Variants in CABIN1 observed in about 807,000 individuals in gnomAD.
The protein encoded by CABIN1 is calcineurin binding protein 1, also known as calcineurin-binding protein cabin-1.
Under a neutral mutation model 227.7 loss-of-function variants are expected in CABIN1, and 133 were observed. The observed-to-expected ratio is 0.58, with a 90% CI of 0.51 to 0.67. The LOEUF is 0.67. CABIN1 is among the 30% of genes least tolerant of loss of function. The pLI is 0.00. For synonymous variants in CABIN1, 1,086 were observed against 1,155.1 expected, an observed-to-expected ratio of 0.94 and a Z score of 1.21; for missense variants, 2,408 against 2,852.5, an observed-to-expected ratio of 0.84 and a Z score of 3.55.
At position 24,166,794 on chromosome 22, in the gene CABIN1, A is replaced by G; in HGVS notation, c.5163A>G (p.Pro1721=). Residue 1721 remains proline, a synonymous_variant, in exon 32 of 37, where the codon CCA becomes CCG. Coordinates refer to ENST00000263119, the MANE Select transcript of CABIN1 (RefSeq NM_012295.4). ...ATGGCTCAGGGCCAGGGCCCGAGCC[A>G]GGAGGCAAAGTGGGCCTCCTCAACC... ...LADGSGPGPE[P]GGKVGLLNHR... 7 of 1,613,024 alleles carry G rather than the reference A, an allele frequency of 4.3e-6. No individual in the cohort carries two copies. Among genetic ancestry groups the G allele is most frequent in the Non-Finnish European group, 5.9e-6 (7 of 1,179,992 alleles).
At chr22:24,066,896 T>A in intron 15 of CABIN1, 91 bp from the exon 16 acceptor site, 1 of 1,246,674 alleles carries the variant, frequency 8.0e-7, no homozygotes, top group Non-Finnish European at 1.2e-6. Flanking sequence ...ATTCTCCTCA[T>A]CCAAGTCTGA....
At chr22:24,121,279 G>T (rs944961633) in intron 28 of CABIN1, among the ~76,000 whole-genome samples, 1 of 152,040 alleles carries the variant, frequency 6.6e-6, no homozygotes, top group Non-Finnish European at 1.5e-5. Flanking sequence ...AATTCTGTTT[G>T]GGGGACTAGA....
chr22:24,075,692 C>T (rs2040392196), intron 18 of CABIN1, among the ~76,000 whole-genome samples: 1 of 151,690 alleles, frequency 6.6e-6, no homozygotes, highest in African/African-American at 2.4e-5. Flanking sequence ...CTGCAGTGAG[C>T]TATAATTGTG....
At chr22:24,128,264 T>C (rs925534062) in intron 28 of CABIN1, among the ~76,000 whole-genome samples, 4 of 142,752 alleles carry the variant, frequency 2.8e-5, no homozygotes, top group Non-Finnish European at 4.6e-5. Context: ...AACTCTTTGA[T>C]TGCATGACTT....
At position 24,063,430 on chromosome 22, in the gene CABIN1, C is replaced by G. The variant is rs115410900; in HGVS notation, c.1884+284C>G. On this transcript the variant is annotated intron_variant, in intron 14 of 36. Coordinates refer to ENST00000263119, the MANE Select transcript of CABIN1 (RefSeq NM_012295.4). ...GCATTTGCTCTGCCTCTACCTCCCC[C>G]ACTCAAGATTGCCTTGGCATCTTGA... is the stretch of plus-strand genomic sequence containing the variant. Among the ~76,000 whole-genome samples the G allele has an allele frequency of 9.9e-3, 1,501 of 152,324 alleles. 30 individuals are homozygous for G. Among genetic ancestry groups the G allele is most frequent in the African/African-American group, 0.033 (1,354 of 41,564 alleles).
intron 32 of CABIN1, 143 bp from the exon 33 acceptor site, chr22:24,168,301 TCAG>T: frequency 1.3e-6 from 1 of 740,892 alleles, no homozygotes; most frequent in African/African-American, 1.7e-5. Flanking sequence ...GGCTGGCTAT[TCAG>T]CAGAGTCTGG....
intron 1 of CABIN1, among the ~76,000 whole-genome samples, chr22:24,028,855 A>T (rs754038342): frequency 1.3e-5 from 2 of 152,132 alleles, no homozygotes; most frequent in Non-Finnish European, 2.9e-5. Context: ...GATAAATAGG[A>T]CAGGATTGCT....
At chr22:24,023,559 CCTTT>C (rs1416060132) in intron 1 of CABIN1, among the ~76,000 whole-genome samples, 2 of 152,070 alleles carry the variant, frequency 1.3e-5, no homozygotes, top group Admixed American at 1.3e-4. Flanking sequence ...TTTTCCATTT[CCTTT>C]CTGTTTTATT....
intron 24 of CABIN1, 55 bp downstream of exon 24, chr22:24,091,898 T>G (rs2041567436): frequency 1.2e-6 from 2 of 1,601,512 alleles, no homozygotes; most frequent in Non-Finnish European, 8.5e-7. Flanking sequence ...GCTGGTTTCT[T>G]TATCTCCCTG....
At chr22:24,054,393 C>G (rs1278007070) in intron 8 of CABIN1, among the ~76,000 whole-genome samples, 4 of 152,218 alleles carry the variant, frequency 2.6e-5, no homozygotes, top group Non-Finnish European at 5.9e-5. Flanking sequence ...CACTGAGGTG[C>G]TGCTCCCCAT....
At chr22:24,151,179 C>T (rs1347710969) in intron 29 of CABIN1, among the ~76,000 whole-genome samples, 2 of 152,134 alleles carry the variant, frequency 1.3e-5, no homozygotes, top group African/African-American at 4.8e-5. Context: ...TACCAGAGTG[C>T]CTGTTCCCGC....
At chr22:24,020,683 G>A (rs1311413206) in intron 1 of CABIN1, among the ~76,000 whole-genome samples, 1 of 152,178 alleles carries the variant, frequency 6.6e-6, no homozygotes, top group Non-Finnish European at 1.5e-5. Flanking sequence ...TTGTTTATCA[G>A]GAGATTCTCA....
Position 24,177,463 on chromosome 22 carries a change from T to G in CABIN1, c.6206-41T>G. On this transcript the variant is annotated intron_variant, in intron 35 of 36. Coordinates refer to ENST00000263119, the MANE Select transcript of CABIN1 (RefSeq NM_012295.4). This position sits in a 1 kb window ranked among gnomAD's most constrained non-coding sequence, Gnocchi z 4.4. ...GCGAGATAAAGTGCTCACTGTGTGA[T>G]GCGGCAGGCAGGAAGTGCTCTTGGT... 1 of 1,483,384 alleles carries G rather than the reference T, an allele frequency of 6.7e-7. No homozygotes were observed. Among genetic ancestry groups the G allele is most frequent in the African/African-American group, 1.4e-5 (1 of 71,394 alleles). The allele number at this position is 1,483,384 out of a possible 1,614,324, so 91.9% of individuals were successfully genotyped here.
chr22:24,030,022 A>G (rs1328892024), intron 1 of CABIN1, among the ~76,000 whole-genome samples: 6 of 152,206 alleles, frequency 3.9e-5, no homozygotes, highest in East Asian at 1.9e-4. Context: ...TTTGATTAGC[A>G]TGTAATACTT....
intron 16 of CABIN1, among the ~76,000 whole-genome samples, chr22:24,070,064 C>G (rs1239143620): frequency 7.0e-6 from 1 of 143,554 alleles, no homozygotes; most frequent in Admixed American, 6.9e-5. Flanking sequence ...GTATTCTAGG[C>G]CAAAAAAAAA....
At chr22:24,150,929 A>G (rs1379329784) in intron 29 of CABIN1, among the ~76,000 whole-genome samples, 1 of 152,100 alleles carries the variant, frequency 6.6e-6, no homozygotes, top group Admixed American at 6.5e-5. Flanking sequence ...GCTTGGGTCA[A>G]GTCTTTCTGG....
chr22:24,077,255 G>T (rs1274811189), intron 19 of CABIN1, among the ~76,000 whole-genome samples: 1 of 152,150 alleles, frequency 6.6e-6, no homozygotes, highest in Non-Finnish European at 1.5e-5. Context: ...TGAGTGTATT[G>T]TGTGTCTCTG....
chr22:24,091,950 C>T (rs114418111), intron 24 of CABIN1, 107 bp downstream of exon 24: 298 of 1,385,520 alleles, frequency 2.2e-4, no homozygotes, highest in Non-Finnish European at 2.7e-4. Context: ...TTCAACCTGC[C>T]GCAAACTTAT....
At chr22:24,160,170 T>G (rs565749146) in intron 29 of CABIN1, among the ~76,000 whole-genome samples, 1 of 152,246 alleles carries the variant, frequency 6.6e-6, no homozygotes, top group East Asian at 1.9e-4. Context: ...ATACTCAGGT[T>G]GTCCCTCCCA....
Sources: allele counts gnomAD v4.1 joint callset (sites outside exome capture counted in the v4.1 genomes callset), GRCh38; gene constraint gnomAD v4.1.1; non-coding constraint Gnocchi (gnomAD v3.1); transcripts MANE v1.5; gene names NCBI Gene and HGNC (gene_info 2026-07-23, HGNC 2026-07-21).